Variants in ADGRL3 observed in about 807,000 individuals in gnomAD.
The protein encoded by ADGRL3 is adhesion G protein-coupled receptor L3.
Under a neutral mutation model 153.5 loss-of-function variants are expected in ADGRL3, and 62 were observed. That is an observed-to-expected ratio of 0.40 (90% CI 0.33 to 0.50). The LOEUF is 0.50. Among genes scored for constraint, ADGRL3 ranks in the 20% least tolerant of loss-of-function variants. The pLI is 0.47. For missense variants in ADGRL3, 1,641 were observed against 1,859.4 expected (o/e 0.88, Z 2.16); for synonymous variants, 710 against 672.5 (o/e 1.06, Z -0.86).
At chr4:61,646,736 C>T (rs1056506316) in intron 5 of ADGRL3, among the ~76,000 whole-genome samples, 1 of 152,146 alleles carries the variant, frequency 6.6e-6, no homozygotes, top group Non-Finnish European at 1.5e-5. Flanking sequence ...TTTTGTTTGT[C>T]TGTGCCCTGC....
chr4:61,331,034 T>G (rs1191278514), intron 1 of ADGRL3, among the ~76,000 whole-genome samples: 2 of 152,146 alleles, frequency 1.3e-5, no homozygotes, highest in Non-Finnish European at 2.9e-5. Flanking sequence ...CCAGCATGGG[T>G]CAAGTGGTTC....
Position 61,722,184 on chromosome 4 carries a change from A to T in ADGRL3, c.584-8438A>T, listed in dbSNP as rs150204913. ...TTTGATTCACTTAACAATTTTATGG[A>T]TTGTGAAGGCAGAAATTGCTATCCT... On this transcript the variant is annotated intron_variant, in intron 6 of 26. Coordinates refer to ENST00000683033, the MANE Select transcript of ADGRL3 (RefSeq NM_001387552.1). Among the ~76,000 whole-genome samples the T allele has an allele frequency of 2.5e-3, 384 of 152,312 alleles. 5 individuals carry two copies. Among genetic ancestry groups the T allele is most frequent in the African/African-American group, 8.4e-3 (349 of 41,572 alleles).
chr4:62,028,291 T>C (rs1720015876), intron 21 of ADGRL3, among the ~76,000 whole-genome samples: 1 of 151,798 alleles, frequency 6.6e-6, no homozygotes, highest in South Asian at 2.1e-4. Flanking sequence ...ATTATTCAGG[T>C]TTATCTTACT....
rs533110704 is a variant in ADGRL3 at position 61,887,489 on chromosome 4, A to T, written c.1481-5167A>T. 2.6e-5 allele frequency among the ~76,000 whole-genome samples: 4 copies of T among 152,312 alleles called. No individual in the cohort carries two copies. The East Asian group carries it at 7.7e-4, about 29-fold the overall frequency. On this transcript the variant is annotated intron_variant, in intron 9 of 26. Transcript: ENST00000683033. The stretch of plus-strand genomic sequence containing the variant: ...TTCTCATTTTTAAAACTAGGAATAT[A>T]TAGTAATAATTACTCTACACATTTT...
At chr4:61,985,930 C>T (rs1260870027) in intron 19 of ADGRL3, among the ~76,000 whole-genome samples, 8 of 146,370 alleles carry the variant, frequency 5.5e-5, no homozygotes, top group African/African-American at 1.3e-4. Flanking sequence ...CAAAAAAACA[C>T]GTTATCTGAG....
At chr4:61,822,189 T>C (rs1416656267) in intron 9 of ADGRL3, among the ~76,000 whole-genome samples, 2 of 152,198 alleles carry the variant, frequency 1.3e-5, no homozygotes, top group Non-Finnish European at 2.9e-5. Context: ...TGCATTAAAT[T>C]AAAACTCTTT....
At chr4:61,952,099 T>C (rs1287983638) in intron 17 of ADGRL3, among the ~76,000 whole-genome samples, 6 of 152,106 alleles carry the variant, frequency 3.9e-5, no homozygotes, top group African/African-American at 1.4e-4. Flanking sequence ...TCAGTAAAAA[T>C]AGGGAAAGTA....
chr4:61,648,464 G>A (rs1008865169), intron 5 of ADGRL3, among the ~76,000 whole-genome samples: 4 of 149,832 alleles, frequency 2.7e-5, no homozygotes, highest in Non-Finnish European at 5.9e-5. Flanking sequence ...ATCAAGTCCA[G>A]GATTTATCTC....
intron 8 of ADGRL3, chr4:61,775,742 C>A: frequency 1.1e-6 from 1 of 945,480 alleles, no homozygotes; most frequent in East Asian, 2.4e-5. Context: ...TTGGTAGCTT[C>A]ATGAATTCCA....
chr4:61,292,992 C>T (rs1234736725), intron 1 of ADGRL3, among the ~76,000 whole-genome samples: 5 of 152,124 alleles, frequency 3.3e-5, no homozygotes, highest in African/African-American at 1.2e-4. Context: ...TTTCACAGAC[C>T]ATTCAGGTTA....
At position 62,000,657 on chromosome 4, in the gene ADGRL3, T is replaced by C. The variant is rs201228603; in HGVS notation, c.3395+2392T>C. ...ATAATAATGACATATACCTGACCATTAAATGGGCAGAAGAACATAAACCTT... is the reference window on the plus strand; with the variant it reads ...ATAATAATGACATATACCTGACCATCAAATGGGCAGAAGAACATAAACCTT... On this transcript the variant is annotated intron_variant, in intron 21 of 26. Transcript: ENST00000683033. Among the ~76,000 whole-genome samples the C allele has an allele frequency of 2.0e-5, 3 of 152,274 alleles. No homozygotes were observed. In the East Asian group the frequency reaches 5.8e-4, roughly 29 times the overall value.
chr4:61,545,696 G>A lies in ADGRL3; in HGVS notation c.259+28178G>A, dbSNP rs746197162. Among the ~76,000 whole-genome samples, 25 of 152,086 alleles carry A rather than the reference G, an allele frequency of 1.6e-4. 1 individual carries two copies. Among genetic ancestry groups the A allele is most frequent in the Non-Finnish European group, 4.4e-5 (3 of 68,010 alleles). ...ACCCACCTAATTTTTGTACTTTTTA[G>A]TAGAGGCAGGGTTTGGCTGTGTTGG... On this transcript the variant is annotated intron_variant, in intron 4 of 26. Transcript: ENST00000683033.
chr4:61,270,835 C>G lies in ADGRL3; in HGVS notation c.-240+69070C>G, dbSNP rs528498524. Among the ~76,000 whole-genome samples the G allele has an allele frequency of 2.0e-5, 3 of 151,690 alleles. No individual in the cohort carries two copies. The East Asian group carries it at 5.8e-4, about 30-fold the overall frequency. On this transcript the variant is annotated intron_variant, in intron 1 of 26. Transcript: ENST00000683033. ...TGCATTGTCTGTAATCATGTTGAGA[C>G]TTCATTTTGGAAGACCTGATACTGT...
At chr4:61,779,502 C>CA (rs1320893659) in intron 8 of ADGRL3, among the ~76,000 whole-genome samples, 1 of 151,558 alleles carries the variant, frequency 6.6e-6, no homozygotes, top group African/African-American at 2.4e-5. Context: ...GGCATGGTGG[C>CA]AGGCACCTGT....
rs1482336941 is a variant in ADGRL3, at chr4:62,058,532, C to T, written c.3815-9634C>T. Reference sequence around the variant, plus strand: ...GACACTTGGTGTAGAGCAGTGAAAACCCCTGTGTATTTCTTTTTCATGATG... The same window carrying T: ...GACACTTGGTGTAGAGCAGTGAAAATCCCTGTGTATTTCTTTTTCATGATG... On this transcript the variant is annotated intron_variant, in intron 25 of 26. Transcript: ENST00000683033. Among the ~76,000 whole-genome samples the T allele has an allele frequency of 2.6e-5, 4 of 152,134 alleles. No homozygotes were observed. In the South Asian group the frequency reaches 6.2e-4, roughly 24 times the overall value.
intron 8 of ADGRL3, among the ~76,000 whole-genome samples, chr4:61,806,172 T>C (rs2097550542): frequency 6.6e-6 from 1 of 152,110 alleles, no homozygotes; most frequent in South Asian, 2.1e-4. Context: ...CTTCCAACCC[T>C]CGTGGAGTTT....
intron 25 of ADGRL3, among the ~76,000 whole-genome samples, chr4:62,047,076 A>G (rs1055765207): frequency 2.0e-5 from 3 of 151,986 alleles, no homozygotes; most frequent in Non-Finnish European, 2.9e-5. Context: ...TCTATTACTA[A>G]AATAAAAATC....
chr4:61,607,629 T>A (rs1365421121), intron 5 of ADGRL3, among the ~76,000 whole-genome samples: 1 of 152,076 alleles, frequency 6.6e-6, no homozygotes, highest in Admixed American at 6.6e-5. Flanking sequence ...TCTTAAGTTC[T>A]ACACTAGTGA....
At chr4:61,203,150 T>C (rs1735592303) in intron 1 of ADGRL3, among the ~76,000 whole-genome samples, 2 of 152,290 alleles carry the variant, frequency 1.3e-5, no homozygotes, top group South Asian at 4.1e-4. Flanking sequence ...GTTGAAGTAA[T>C]CGAGTCCAGC....
Sources: allele counts gnomAD v4.1 joint callset (sites outside exome capture counted in the v4.1 genomes callset), GRCh38; gene constraint gnomAD v4.1.1; transcripts MANE v1.5; gene names NCBI Gene and HGNC (gene_info 2026-07-23, HGNC 2026-07-21).